CEP43: variants seen among roughly 807,000 people sequenced by gnomAD.
CEP43 encodes centrosomal protein 43.
Under a neutral mutation model 52.6 loss-of-function variants are expected in CEP43, and 36 were observed. The observed-to-expected ratio is 0.68, with a 90% CI of 0.52 to 0.90. The LOEUF is 0.90. Among genes scored for constraint, CEP43 ranks in the 40% least tolerant of loss-of-function variants. The pLI is 0.00. For synonymous variants in CEP43, 192 were observed against 172.4 expected, an observed-to-expected ratio of 1.11 and a Z score of -0.89; for missense variants, 506 against 472.8, an observed-to-expected ratio of 1.07 and a Z score of -0.65.
Position 167,046,628 on chromosome 6 carries a change from C to T in CEP43, c.*6650C>T, listed in dbSNP as rs1290057628. The T allele has an allele frequency of 6.6e-6, 1 of 152,270 alleles. No individual in the cohort carries two copies. Among genetic ancestry groups the T allele is most frequent in the Non-Finnish European group, 1.5e-5 (1 of 68,082 alleles). The allele number at this position is 152,270 out of a possible 1,614,324, so 9.4% of individuals were successfully genotyped here. ...TCCACCTGCAGATGCAGAGGTGGCC[C>T]CATCCTGTGATGTGCCACCACATCC... On this transcript the variant is annotated 3_prime_UTR_variant, in exon 13 of 13. Transcript: ENST00000366847.
In CEP43 at chr6:167,003,737, A is replaced by G. The variant is rs1225352201; in HGVS notation, c.226A>G (p.Ser76Gly). The G allele has an allele frequency of 1.9e-6, 3 of 1,610,074 alleles. No individual in the cohort carries two copies. Among genetic ancestry groups the G allele is most frequent in the Non-Finnish European group, 2.5e-6 (3 of 1,177,224 alleles). ...GATCTTTATAGGTCGTTTAGTGGCT[A>G]GTCTTGTTGCAGAATTTCTTCAGTT... ...LNTKDGRLVASLVAEFLQFFN... is the reference protein window; with the variant it reads ...LNTKDGRLVAGLVAEFLQFFN... The change falls in exon 4 of 13, where the codon AGT (serine) becomes GGT (glycine). Residue 76 changes from serine (S) to glycine (G), a missense_variant. Transcript: ENST00000366847.
rs1012655144 is a variant in CEP43 at position 167,023,925 on chromosome 6, T to C, written c.807-857T>C. Among the ~76,000 whole-genome samples the C allele has an allele frequency of 2.0e-5, 3 of 152,048 alleles. No individual in the cohort carries two copies. In the East Asian group the frequency reaches 5.8e-4, roughly 29 times the overall value. ...TGAAAAATAGTTTTCTGATGAGTTG[T>C]AAAAGTGTGCAGAGGAGCAGGGTGG... is the stretch of plus-strand genomic sequence containing the variant. On this transcript the variant is annotated intron_variant, in intron 8 of 12. Coordinates refer to ENST00000366847, the MANE Select transcript of CEP43 (RefSeq NM_007045.4).
At chr6:167,016,359 G>T (rs1255638751) in intron 7 of CEP43, among the ~76,000 whole-genome samples, 3 of 152,138 alleles carry the variant, frequency 2.0e-5, no homozygotes, top group African/African-American at 7.2e-5. Context: ...CTGGGGTCAA[G>T]TGCCCACTTC....
chr6:167,022,962 T>G (rs1780271818), intron 8 of CEP43, among the ~76,000 whole-genome samples: 1 of 151,930 alleles, frequency 6.6e-6, no homozygotes, highest in Non-Finnish European at 1.5e-5. Flanking sequence ...GCAATGAGGG[T>G]TATGCTGCAG....
In CEP43 at chr6:167,003,247, G is replaced by A; in HGVS notation, c.211G>A (p.Gly71Ser). ...GAAAAAGTTTTTAAATACCAAAGAC[G>A]GTAAGATGTTCAGTTTGTTCTTGTT... ...SLKKFLNTKD[G>S]RLVASLVAEF... is the part of the protein sequence containing the mutation. The change falls in exon 3 of 13, where the codon GGT becomes AGT. Residue 71 changes from glycine to serine, a missense_variant and splice_region_variant. Transcript: ENST00000366847. 1.4e-6 allele frequency: 2 copies of A among 1,472,350 alleles called. No homozygotes were observed. The highest frequency in any genetic ancestry group is 2.4e-5 in the East Asian group (1 of 40,878). The allele number at this position is 1,472,350 out of a possible 1,614,324, so 91.2% of individuals were successfully genotyped here.
At chr6:167,019,205 G>A (rs889977099) in intron 7 of CEP43, among the ~76,000 whole-genome samples, 1 of 152,164 alleles carries the variant, frequency 6.6e-6, no homozygotes. Context: ...ATGAGGTGAA[G>A]CGCTGTTGTG....
rs71032896 is a variant in CEP43, at chr6:167,033,099, C to CTTTT, written c.1028+483_1028+486dup. On this transcript the variant is annotated intron_variant, in intron 11 of 12. Coordinates refer to ENST00000366847, the MANE Select transcript of CEP43 (RefSeq NM_007045.4). ...TCTGCCCTAATAAGATTGCCATTCT[C>CTTTT]TTTTTTTTTTTTTTTTTTTTTTTTT... Among the ~76,000 whole-genome samples, 23 of 68,352 alleles carry CTTTT rather than the reference C, an allele frequency of 3.4e-4. 1 individual carries two copies. Among genetic ancestry groups the CTTTT allele is most frequent in the African/African-American group, 1.1e-3 (20 of 18,356 alleles). The allele number at this position is 68,352 out of a possible 152,430, so 44.8% of individuals were successfully genotyped here. A position where few individuals can be genotyped will look rare whatever the true frequency, so the allele number is the denominator to read the frequency against.
chr6:167,039,807 G>C, intron 12 of CEP43, 97 bp from the exon 13 acceptor site: 1 of 1,227,692 alleles, frequency 8.1e-7, no homozygotes, highest in Non-Finnish European at 1.2e-6. Flanking sequence ...TCTTGCAGGA[G>C]TAAGGTGGTA....
rs544587306 is a variant in CEP43 at position 167,022,689 on chromosome 6, G to T, written c.806+54G>T. On this transcript the variant is annotated intron_variant, in intron 8 of 12. Coordinates refer to ENST00000366847, the MANE Select transcript of CEP43 (RefSeq NM_007045.4). ...CTAGGGGTTTAAAAATAAGATAAAT[G>T]TTTTCATTTTATAGTTAAAAAATAA... 7.0e-6 allele frequency: 8 copies of T among 1,150,362 alleles called. No homozygotes were observed. The South Asian group carries it at 1.1e-4, about 16-fold the overall frequency. The allele number at this position is 1,150,362 out of a possible 1,614,324, so 71.3% of individuals were successfully genotyped here.
At chr6:167,009,515 A>C (rs1232635470) in intron 5 of CEP43, among the ~76,000 whole-genome samples, 2 of 149,742 alleles carry the variant, frequency 1.3e-5, no homozygotes, top group East Asian at 3.9e-4. Flanking sequence ...AAAAAAAAAA[A>C]AAAAAAAAAA....
At chr6:167,030,810 T>C (rs1278606081) in intron 10 of CEP43, among the ~76,000 whole-genome samples, 1 of 152,090 alleles carries the variant, frequency 6.6e-6, no homozygotes, top group Non-Finnish European at 1.5e-5. Flanking sequence ...AAAACAGAAG[T>C]GAGGTAGTGC....
rs2114865961 is a variant in CEP43 at position 167,051,846 on chromosome 6, G to A, written c.*11868G>A. On this transcript the variant is annotated 3_prime_UTR_variant, in exon 13 of 13. Transcript: ENST00000366847. Reference sequence around the variant, plus strand: ...GCCTATTTATATCTTTGAATCAAAAGTTTGTCTCCTGTAGATAGCATATAG... The same window carrying A: ...GCCTATTTATATCTTTGAATCAAAAATTTGTCTCCTGTAGATAGCATATAG... 1 of 152,220 alleles carries A rather than the reference G, an allele frequency of 6.6e-6. No individual in the cohort carries two copies. Among genetic ancestry groups the A allele is most frequent in the South Asian group, 2.1e-4 (1 of 4,824 alleles). 9.4% of individuals were successfully genotyped at this position (152,220 alleles called of 1,614,324 possible). A position where few individuals can be genotyped will look rare whatever the true frequency, so the allele number is the denominator to read the frequency against.
intron 12 of CEP43, among the ~76,000 whole-genome samples, chr6:167,039,695 G>A (rs1022959527): frequency 3.9e-5 from 6 of 152,152 alleles, no homozygotes; most frequent in African/African-American, 9.7e-5. Context: ...TTCCATAGTG[G>A]TTGTACTAGT....
chr6:167,033,975 TG>T lies in CEP43; in HGVS notation c.1125+6del. ...TGACATCAATACCAGTGATAAGGTA[TG>T]GTGTTCTGCATTTCCCATAGAGTGC... On this transcript the variant is annotated splice_donor_5th_base_variant and intron_variant, in intron 12 of 12. Coordinates refer to ENST00000366847, the MANE Select transcript of CEP43 (RefSeq NM_007045.4). 1 of 1,423,848 alleles carries T rather than the reference TG, an allele frequency of 7.0e-7. No individual in the cohort carries two copies. Among genetic ancestry groups the T allele is most frequent in the Non-Finnish European group, 9.7e-7 (1 of 1,031,446 alleles). The allele number at this position is 1,423,848 out of a possible 1,614,324, so 88.2% of individuals were successfully genotyped here.
intron 3 of CEP43, 78 bp from the exon 4 acceptor site, chr6:167,003,645 G>GTAT (rs1364242668): frequency 1.1e-5 from 9 of 799,312 alleles, no homozygotes; most frequent in Admixed American, 2.4e-5. Context: ...TTAATTTAGT[G>GTAT]TATCTATTTC....
chr6:166,999,645 C>A, intron 1 of CEP43, 131 bp downstream of exon 1: 1 of 216,264 alleles, frequency 4.6e-6, no homozygotes, highest in Non-Finnish European at 8.8e-6. Flanking sequence ...TGGGGGCGCG[C>A]CCCGGCATGG....
rs1780695533 is a variant in CEP43, at chr6:167,041,543, CTG to C, written c.*1567_*1568del. On this transcript the variant is annotated 3_prime_UTR_variant, in exon 13 of 13. Coordinates refer to ENST00000366847, the MANE Select transcript of CEP43 (RefSeq NM_007045.4). ...AAATGCATTTCTTTGTAAGTCATCT[CTG>C]TAAACAGTCACTTTCTAAAAGCACT... 9.5e-7 allele frequency: 1 copy of C among 1,051,314 alleles called. No homozygotes were observed. Among genetic ancestry groups the C allele is most frequent in the Non-Finnish European group, 1.1e-6 (1 of 870,462 alleles). The allele number at this position is 1,051,314 out of a possible 1,614,324, so 65.1% of individuals were successfully genotyped here.
At chr6:167,025,300 A>G (rs1780329972) in intron 9 of CEP43, 1 of 153,838 alleles carries the variant, frequency 6.5e-6, no homozygotes, top group African/African-American at 2.4e-5. Context: ...ATAAAAAATT[A>G]TTCTGCAGAT....
rs774200596 is a variant in CEP43, at chr6:167,041,170, C to A, written c.*1192C>A. On this transcript the variant is annotated 3_prime_UTR_variant, in exon 13 of 13. Transcript: ENST00000366847. Reference sequence around the variant, plus strand: ...AGCAAATTAGACCTAATTCATTGATCTCGGTTAAGTGAGCAGACTGCATGA... The same window carrying A: ...AGCAAATTAGACCTAATTCATTGATATCGGTTAAGTGAGCAGACTGCATGA... 1 of 1,046,392 alleles carries A rather than the reference C, an allele frequency of 9.6e-7. No individual in the cohort carries two copies. The highest frequency in any genetic ancestry group is 4.6e-5 in the South Asian group (1 of 21,794). 64.8% of individuals were successfully genotyped at this position (1,046,392 alleles called of 1,614,324 possible). A position where few individuals can be genotyped will look rare whatever the true frequency, so the allele number is the denominator to read the frequency against.
Sources: allele counts gnomAD v4.1 joint callset (sites outside exome capture counted in the v4.1 genomes callset), GRCh38; gene constraint gnomAD v4.1.1; transcripts MANE v1.5; gene names NCBI Gene and HGNC (gene_info 2026-07-23, HGNC 2026-07-21).